ABI3BP: variants seen among roughly 807,000 people sequenced by gnomAD.
ABI3BP encodes ABI family member 3 binding protein, also known as target of Nesh-SH3.
Under a neutral mutation model 268.6 loss-of-function variants are expected in ABI3BP, and 216 were observed. The observed-to-expected ratio is 0.80, with a 90% CI of 0.72 to 0.90. The LOEUF (loss-of-function observed/expected upper bound fraction) is 0.90, where lower values mean the gene tolerates loss of function less well. Ranked by LOEUF, ABI3BP falls within the 40% of genes least tolerant of loss-of-function variation. ABI3BP has a pLI of 0.00. For missense variants in ABI3BP, 2,090 were observed against 2,182.4 expected, an observed-to-expected ratio of 0.96 and a Z score of 0.84; for synonymous variants, 730 against 730.0, an observed-to-expected ratio of 1.00 and a Z score of 0.00.
chr3:100,820,353 A>G, intron 39 of ABI3BP, 50 bp from the exon 40 acceptor site: 1 of 1,369,010 alleles, frequency 7.3e-7, no homozygotes, highest in South Asian at 1.3e-5. Context: ...CTCCGAAGCT[A>G]TGAGTAGCAT....
chr3:100,952,870 C>G (rs2075588625), intron 1 of ABI3BP: 1 of 152,120 alleles, frequency 6.6e-6, no homozygotes, highest in Non-Finnish European at 1.5e-5. Context: ...GTTTGTTTCT[C>G]TTTTATGTAT....
chr3:100,927,033 G>T (rs1437793997), intron 1 of ABI3BP, among the ~76,000 whole-genome samples: 3 of 152,128 alleles, frequency 2.0e-5, no homozygotes, highest in Non-Finnish European at 4.4e-5. Context: ...AGTACATCTG[G>T]GAGTACATCT....
chr3:100,966,752 T>A (rs1043339592), intron 1 of ABI3BP, among the ~76,000 whole-genome samples: 1 of 152,206 alleles, frequency 6.6e-6, no homozygotes, highest in Non-Finnish European at 1.5e-5. Context: ...AATGTCCTTC[T>A]TCTTCTTCTA....
At chr3:100,950,360 G>A (rs956167688) in intron 1 of ABI3BP, among the ~76,000 whole-genome samples, 2 of 152,172 alleles carry the variant, frequency 1.3e-5, no homozygotes, top group African/African-American at 4.8e-5. Context: ...AAACTGTACT[G>A]TACTGGAGGA....
At chr3:100,838,936 C>T (rs756473387) in intron 24 of ABI3BP, among the ~76,000 whole-genome samples, 15 of 151,980 alleles carry the variant, frequency 9.9e-5, no homozygotes, top group Non-Finnish European at 1.9e-4. Context: ...AGATTTTGAG[C>T]GCTAAGAAAC....
intron 1 of ABI3BP, among the ~76,000 whole-genome samples, chr3:100,943,381 T>C (rs1220239089): frequency 6.6e-6 from 1 of 152,120 alleles, no homozygotes; most frequent in African/African-American, 2.4e-5. Flanking sequence ...TTAACTAAAG[T>C]TTAATATTTA....
chr3:100,793,863 C>T (rs1319918932), intron 54 of ABI3BP, among the ~76,000 whole-genome samples: 1 of 151,964 alleles, frequency 6.6e-6, no homozygotes, highest in Admixed American at 6.6e-5. Flanking sequence ...CTTTTTGGTT[C>T]ATTTTCAACC....
intron 50 of ABI3BP, among the ~76,000 whole-genome samples, chr3:100,805,138 T>C (rs2097666953): frequency 6.6e-6 from 1 of 152,170 alleles, no homozygotes; most frequent in Non-Finnish European, 1.5e-5. Context: ...TAGAAATCTT[T>C]ATTTCAGAGG....
intron 22 of ABI3BP, 58 bp downstream of exon 22, chr3:100,840,762 C>G (rs2098683449): frequency 1.4e-6 from 2 of 1,394,388 alleles, no homozygotes; most frequent in Non-Finnish European, 2.0e-6. Flanking sequence ...TCTGTCAACA[C>G]AGATACCAGC....
At chr3:100,819,721 G>A (rs2098150731) in intron 40 of ABI3BP, among the ~76,000 whole-genome samples, 1 of 152,012 alleles carries the variant, frequency 6.6e-6, no homozygotes, top group Non-Finnish European at 1.5e-5. Context: ...GGAGGCTGAG[G>A]CAAGCAGATA....
rs145760443 is a variant in ABI3BP at position 100,790,060 on chromosome 3, A to G, written c.4025-544T>C. Among the ~76,000 whole-genome samples the G allele has an allele frequency of 3.3e-5, 5 of 152,136 alleles. No homozygotes were observed. The East Asian group carries it at 9.7e-4, about 29-fold the overall frequency. ...AAGTATTCACTCAGTGTCATCCATA[A>G]TGCTGTAGAAATGACAGAAAATGAC... On this transcript the variant is annotated intron_variant, in intron 55 of 67. Coordinates refer to ENST00000471714, the MANE Select transcript of ABI3BP (RefSeq NM_001375547.2).
chr3:100,937,230 C>A (rs1035579955), intron 1 of ABI3BP, among the ~76,000 whole-genome samples: 1 of 152,048 alleles, frequency 6.6e-6, no homozygotes, highest in Non-Finnish European at 1.5e-5. Context: ...ACATCTGGAA[C>A]CTTCATACAT....
intron 50 of ABI3BP, among the ~76,000 whole-genome samples, 179 bp downstream of exon 50, chr3:100,807,982 A>G (rs933869639): frequency 6.6e-6 from 1 of 152,034 alleles, no homozygotes; most frequent in African/African-American, 2.4e-5. Flanking sequence ...AGCTCTTCCA[A>G]TGATGTACTT....
At position 100,862,851 on chromosome 3, in the gene ABI3BP, A is replaced by G. The variant is rs1235269070; in HGVS notation, c.1197T>C (p.Pro399=). Residue 399 remains proline, a synonymous_variant, in exon 13 of 68, where the codon CCT becomes CCC. Transcript: ENST00000471714. The stretch of plus-strand genomic sequence containing the variant: ...TACTCTTATTACCCAATGTGCCCCT[A>G]GGTTTCTCAAAAGGGAAGGGTGTTT... The part of the protein sequence containing the change: ...EAKTPFPFEK[P]RGTLASSEKP... 10 of 1,535,308 alleles carry G rather than the reference A, an allele frequency of 6.5e-6. No individual in the cohort carries two copies. The South Asian group carries it at 1.1e-4, about 16-fold the overall frequency.
chr3:100,945,630 G>A, intron 1 of ABI3BP: 2 of 449,794 alleles, frequency 4.4e-6, no homozygotes, highest in South Asian at 1.6e-5. Flanking sequence ...TCATTTTTAT[G>A]AGACTCATCC....
intron 1 of ABI3BP, among the ~76,000 whole-genome samples, chr3:100,932,476 GA>G (rs1243874301): frequency 6.6e-6 from 1 of 151,832 alleles, no homozygotes; most frequent in African/African-American, 2.4e-5. Flanking sequence ...GAATCTATAA[GA>G]AACTTGAACA....
chr3:100,826,001 C>T (rs2098376398), intron 34 of ABI3BP, among the ~76,000 whole-genome samples, 157 bp from the exon 35 acceptor site: 1 of 152,134 alleles, frequency 6.6e-6, no homozygotes, highest in South Asian at 2.1e-4. Flanking sequence ...CCCCTCACCC[C>T]CAACATATCA....
At chr3:100,824,019 T>C (rs1197591191) in intron 36 of ABI3BP, among the ~76,000 whole-genome samples, 1 of 152,196 alleles carries the variant, frequency 6.6e-6, no homozygotes, top group Non-Finnish European at 1.5e-5. Flanking sequence ...TTGAGACCTC[T>C]GTCCAAACCA....
chr3:100,961,142 T>C (rs893655818), intron 1 of ABI3BP, among the ~76,000 whole-genome samples: 1 of 152,248 alleles, frequency 6.6e-6, no homozygotes, highest in East Asian at 1.9e-4. Context: ...GCAGCCCTAG[T>C]ACCAACTAGG....
Sources: gnomAD v4.1 joint callset for allele counts (sites outside exome capture counted in the v4.1 genomes callset) on GRCh38, gnomAD v4.1.1 for gene constraint, MANE v1.5 for transcripts, NCBI Gene and HGNC (gene_info 2026-07-23, HGNC 2026-07-21) for gene names.